NOL4: variants seen among roughly 807,000 people sequenced by gnomAD.
NOL4 encodes the protein nucleolar protein 4, also known as cancer/testis antigen 125.
A neutral mutation model predicts 75.9 loss-of-function variants in NOL4; 17 were observed. That is an observed-to-expected ratio of 0.22 (90% CI 0.15 to 0.34). NOL4 has a LOEUF of 0.34. Ranked by LOEUF, NOL4 falls within the 10% of genes least tolerant of loss-of-function variation. The pLI is 1.00. For synonymous variants in NOL4, 292 were observed against 289.9 expected, an observed-to-expected ratio of 1.01 and a Z score of -0.07; for missense variants, 614 against 793.5, an observed-to-expected ratio of 0.77 and a Z score of 2.72.
At chr18:34,167,792 G>A (rs1320266037) in intron 1 of NOL4, among the ~76,000 whole-genome samples, 1 of 152,022 alleles carries the variant, frequency 6.6e-6, no homozygotes, top group African/African-American at 2.4e-5. Context: ...AGGACTGGAG[G>A]GAGTAGGGAG....
intron 9 of NOL4, among the ~76,000 whole-genome samples, chr18:33,939,460 T>TA (rs1348971948): frequency 2.0e-5 from 3 of 152,116 alleles, no homozygotes; most frequent in African/African-American, 7.2e-5. Context: ...TGAGCAGTGG[T>TA]TTATAGTTCT....
At chr18:34,006,702 G>T (rs1423293318) in intron 6 of NOL4, among the ~76,000 whole-genome samples, 1 of 152,020 alleles carries the variant, frequency 6.6e-6, no homozygotes. Flanking sequence ...AGCAAAATAA[G>T]TGTGGCAATA....
rs2078631139 is a variant in NOL4, at chr18:34,093,637, A to G, written c.640-40T>C. On this transcript the variant is annotated intron_variant, in intron 4 of 10. Coordinates refer to ENST00000261592, the MANE Select transcript of NOL4 (RefSeq NM_003787.5). Reference sequence around the variant, plus strand: ...AAAATATCATCAAGCATTTTAACGTATAATACGTTTAAATAATAACCATTT... The same window carrying G: ...AAAATATCATCAAGCATTTTAACGTGTAATACGTTTAAATAATAACCATTT... The G allele has an allele frequency of 4.8e-6, 7 of 1,453,254 alleles. No homozygotes were observed. The Admixed American group carries it at 8.8e-5, about 18-fold the overall frequency. The allele number at this position is 1,453,254 out of a possible 1,614,324, so 90.0% of individuals were successfully genotyped here.
intron 1 of NOL4, among the ~76,000 whole-genome samples, chr18:34,167,309 T>C (rs1398475347): frequency 1.3e-5 from 2 of 152,040 alleles, no homozygotes; most frequent in Non-Finnish European, 2.9e-5. Context: ...ACCTTTAAAA[T>C]AAGTCATCTT....
chr18:33,872,919 G>A (rs1313798634), intron 10 of NOL4, among the ~76,000 whole-genome samples: 1 of 151,952 alleles, frequency 6.6e-6, no homozygotes, highest in Non-Finnish European at 1.5e-5. Context: ...GCTTCAGCAA[G>A]CTGCACACTG....
intron 6 of NOL4, among the ~76,000 whole-genome samples, chr18:34,010,120 G>A (rs1297982651): frequency 1.3e-5 from 2 of 151,702 alleles, no homozygotes; most frequent in East Asian, 3.9e-4. Context: ...CCATATTTTT[G>A]TACCTATTAA....
intron 5 of NOL4, among the ~76,000 whole-genome samples, chr18:34,054,082 T>C (rs933693708): frequency 6.6e-6 from 1 of 151,926 alleles, no homozygotes; most frequent in South Asian, 2.1e-4. Context: ...TGCTAGATAG[T>C]TGGTATAATT....
chr18:33,883,434 C>A lies in NOL4; in HGVS notation c.1543-10G>T, dbSNP rs770149734. 2 of 1,594,956 alleles carry A rather than the reference C, an allele frequency of 1.3e-6. No individual in the cohort carries two copies. Among genetic ancestry groups the A allele is most frequent in the South Asian group, 2.3e-5 (2 of 88,076 alleles). On this transcript the variant is annotated splice_polypyrimidine_tract_variant and intron_variant, in intron 9 of 10. Transcript: ENST00000261592. ...CTGGAGCAGACTCATCCTGCAAGGA[C>A]AGACAGCATTCCATTATTTATCACC... is the stretch of plus-strand genomic sequence containing the variant.
At chr18:34,049,073 C>T (rs113580093) in intron 5 of NOL4, among the ~76,000 whole-genome samples, 1 of 42,284 alleles carries the variant, frequency 2.4e-5, no homozygotes, top group African/African-American at 8.3e-5. Flanking sequence ...TACAGGCGCG[C>T]GCACACACAC....
intron 1 of NOL4, among the ~76,000 whole-genome samples, chr18:34,172,601 ACT>A: frequency 6.6e-6 from 1 of 152,082 alleles, no homozygotes; most frequent in Non-Finnish European, 1.5e-5. Context: ...AGGAAACTAT[ACT>A]GTTTTCCATA....
At chr18:33,858,598 C>A (rs139491324) in intron 10 of NOL4, among the ~76,000 whole-genome samples, 1 of 151,950 alleles carries the variant, frequency 6.6e-6, no homozygotes, top group Non-Finnish European at 1.5e-5. Flanking sequence ...TAATGAATTT[C>A]ATTTATATTC....
chr18:34,201,693 C>A (rs2035754672), intron 1 of NOL4, among the ~76,000 whole-genome samples: 1 of 151,770 alleles, frequency 6.6e-6, no homozygotes, highest in African/African-American at 2.4e-5. Context: ...TCCTAAGTTC[C>A]ACAGATTTCA....
chr18:33,909,025 T>C (rs1262782023), intron 9 of NOL4, among the ~76,000 whole-genome samples: 1 of 152,170 alleles, frequency 6.6e-6, no homozygotes, highest in East Asian at 1.9e-4. Flanking sequence ...AGACATTAAA[T>C]ATAAAATTTA....
intron 6 of NOL4, among the ~76,000 whole-genome samples, chr18:33,983,974 T>A (rs544525011): frequency 6.6e-6 from 1 of 152,166 alleles, no homozygotes; most frequent in Non-Finnish European, 1.5e-5. Flanking sequence ...GATGATGTAT[T>A]TCTTTGCTTG....
chr18:34,222,521 G>C lies in NOL4; in HGVS notation c.264+469C>G. On this transcript the variant is annotated intron_variant, in intron 1 of 10. Coordinates refer to ENST00000261592, the MANE Select transcript of NOL4 (RefSeq NM_003787.5). ...CACATCCACCGCTAGCGCTACATTC[G>C]GGCTTTATGCCAATAAGGAGACACT... 5.7e-6 allele frequency: 5 copies of C among 878,074 alleles called. No homozygotes were observed. The South Asian group carries it at 2.1e-4, about 37-fold the overall frequency. The allele number at this position is 878,074 out of a possible 1,614,324, so 54.4% of individuals were successfully genotyped here. A position where few individuals can be genotyped will look rare whatever the true frequency, so the allele number is the denominator to read the frequency against.
At chr18:34,016,399 T>A (rs2074695678) in intron 6 of NOL4, among the ~76,000 whole-genome samples, 1 of 151,682 alleles carries the variant, frequency 6.6e-6, no homozygotes, top group South Asian at 2.1e-4. Context: ...TTTCTAAAAT[T>A]CTAAGCTGAC....
intron 5 of NOL4, among the ~76,000 whole-genome samples, chr18:34,039,905 T>G (rs1460183736): frequency 6.6e-6 from 1 of 151,918 alleles, no homozygotes; most frequent in Non-Finnish European, 1.5e-5. Context: ...TTCAATAAAT[T>G]GCATGAGATA....
intron 8 of NOL4, among the ~76,000 whole-genome samples, chr18:33,945,632 T>C (rs999580983): frequency 6.6e-6 from 1 of 151,750 alleles, no homozygotes; most frequent in Admixed American, 6.6e-5. Flanking sequence ...GAACTAGATA[T>C]ATTTTAAGGT....
chr18:34,055,028 A>C (rs1288280794), intron 5 of NOL4, among the ~76,000 whole-genome samples: 3 of 150,516 alleles, frequency 2.0e-5, no homozygotes, highest in Admixed American at 1.3e-4. Context: ...TAAACTACTA[A>C]CAACTTACTC....
Sources: gnomAD v4.1 joint callset for allele counts (sites outside exome capture counted in the v4.1 genomes callset) on GRCh38, gnomAD v4.1.1 for gene constraint, MANE v1.5 for transcripts, NCBI Gene and HGNC (gene_info 2026-07-23, HGNC 2026-07-21) for gene names.